The following YTHDF1 variants were observed in gnomAD, a reference collection of about 807,000 sequenced individuals.
The protein encoded by YTHDF1 is YTH domain-containing family protein 1.
YTHDF1 carries 16 observed loss-of-function variants against 49.1 expected under a neutral mutation model. That is an observed-to-expected ratio of 0.33 (90% CI 0.22 to 0.49). The LOEUF (loss-of-function observed/expected upper bound fraction) is 0.49. Among genes scored for constraint, YTHDF1 ranks in the 20% least tolerant of loss-of-function variants. The pLI is 0.99. For synonymous variants in YTHDF1, 313 were observed against 290.1 expected, an observed-to-expected ratio of 1.08 and a Z score of -0.80; for missense variants, 621 against 744.3, an observed-to-expected ratio of 0.83 and a Z score of 1.93.
intron 4 of YTHDF1, among the ~76,000 whole-genome samples, chr20:63,198,774 G>A (rs1020008779): frequency 6.6e-6 from 1 of 152,204 alleles, no homozygotes; most frequent in African/African-American, 2.4e-5. Flanking sequence ...GAGCCGGCCT[G>A]GAGGTCGAAG....
intron 4 of YTHDF1, among the ~76,000 whole-genome samples, chr20:63,198,689 G>A (rs1012922529): frequency 6.6e-6 from 1 of 151,662 alleles, no homozygotes; most frequent in East Asian, 1.9e-4. Flanking sequence ...TGCTCAACAA[G>A]CATCCAGGAA....
chr20:63,205,316 G>A (rs1270124043), intron 3 of YTHDF1, among the ~76,000 whole-genome samples: 1 of 152,226 alleles, frequency 6.6e-6, no homozygotes, highest in African/African-American at 2.4e-5. Flanking sequence ...CACTGGAGGG[G>A]TGACCACAAG....
chr20:63,203,022 T>C lies in YTHDF1; in HGVS notation c.918A>G (p.Pro306=). 1 of 1,609,324 alleles carries C rather than the reference T, an allele frequency of 6.2e-7. No homozygotes were observed. Among genetic ancestry groups the C allele is most frequent in the Non-Finnish European group, 8.5e-7 (1 of 1,177,358 alleles). The change falls in exon 4 of 5, where the codon CCA becomes CCG. Residue 306 remains proline (P), a synonymous_variant. Coordinates refer to ENST00000370339, the MANE Select transcript of YTHDF1 (RefSeq NM_017798.4). The surrounding 1 kb of genome is among the most constrained non-coding windows in gnomAD (Gnocchi z 4.4). ...PQPQQVAQPL[P]AQPPALAQPQ... is the part of the protein sequence containing the mutation. The stretch of plus-strand genomic sequence containing the variant: ...GTTGAGCCAAAGCTGGGGGCTGTGC[T>C]GGGAGAGGCTGAGCCACCTGCTGGG...
At chr20:63,215,257 G>C (rs2122996795) in intron 2 of YTHDF1, among the ~76,000 whole-genome samples, 1 of 152,272 alleles carries the variant, frequency 6.6e-6, no homozygotes, top group East Asian at 1.9e-4. Flanking sequence ...GCCCCTGCTG[G>C]GCGGAAAAAG....
At chr20:63,201,945 A>C (rs561896699) in intron 4 of YTHDF1, among the ~76,000 whole-genome samples, 6 of 152,368 alleles carry the variant, frequency 3.9e-5, no homozygotes, top group African/African-American at 1.4e-4. Context: ...AAAGTATCAC[A>C]ATTCAAAAAG....
At chr20:63,206,772 A>G (rs1298083306) in intron 3 of YTHDF1, among the ~76,000 whole-genome samples, 1 of 152,180 alleles carries the variant, frequency 6.6e-6, no homozygotes, top group African/African-American at 2.4e-5. Flanking sequence ...TTTCCTCCAA[A>G]ACTCTGAAGG....
rs751293439 is a variant in YTHDF1 at position 63,202,239 on chromosome 20, C to T, written c.1653+48G>A. 7.6e-6 allele frequency: 12 copies of T among 1,572,098 alleles called. No homozygotes were observed. In the Admixed American group the frequency reaches 8.7e-5, roughly 11 times the overall value. On this transcript the variant is annotated intron_variant, in intron 4 of 4. Transcript: ENST00000370339. ...ACCGGGCCACCTGGTCTAAGTACGG[C>T]ACCAAGGACACATCTGCATGGCAGT...
intron 4 of YTHDF1, among the ~76,000 whole-genome samples, 178 bp downstream of exon 4, chr20:63,202,109 G>A (rs973495115): frequency 1.1e-4 from 17 of 152,266 alleles, no homozygotes; most frequent in Non-Finnish European, 2.1e-4. Context: ...ACTCTCCGCA[G>A]GGAAAGCCCA....
chr20:63,202,453 T>A lies in YTHDF1; in HGVS notation c.1487A>T (p.Asn496Ile). The part of the protein sequence containing the change: ...NNQLRHIRLE[N>I]NDNKPVTNSR... ...GTTTGTGACCGGTTTGTTGTCGTTA[T>A]TCTCCAGCCTGATGTGCCGGAGCTG... The change falls in exon 4 of 5, where the codon AAT becomes ATT. Residue 496 changes from asparagine to isoleucine, a missense_variant. Transcript: ENST00000370339. The A allele has an allele frequency of 6.2e-7, 1 of 1,614,300 alleles. No individual in the cohort carries two copies. The highest frequency in any genetic ancestry group is 8.5e-7 in the Non-Finnish European group (1 of 1,180,056).
chr20:63,216,052 G>T lies in YTHDF1; in HGVS notation c.-160C>A, dbSNP rs1046992626. ...GCGGCTGCTGGGCGCGCGGGCCCCT[G>T]GCGAGGCGGCAGCGGCGGTGAGCCC... On this transcript the variant is annotated 5_prime_UTR_variant, in exon 1 of 5. Transcript: ENST00000370339. 4.5e-6 allele frequency: 2 copies of T among 443,488 alleles called. No homozygotes were observed. Among genetic ancestry groups the T allele is most frequent in the African/African-American group, 2.2e-5 (1 of 46,294 alleles). The allele number at this position is 443,488 out of a possible 1,614,324, so 27.5% of individuals were successfully genotyped here.
intron 3 of YTHDF1, among the ~76,000 whole-genome samples, chr20:63,210,613 G>A (rs569473213): frequency 3.5e-4 from 53 of 151,858 alleles, no homozygotes; most frequent in African/African-American, 6.3e-4. Flanking sequence ...GAGAAACCCC[G>A]TCCCTACTAA....
chr20:63,202,344 G>A lies in YTHDF1; in HGVS notation c.1596C>T (p.Ile532=). ...TCTCGTAGTGAGCAAAGTCGTCGAA[G>A]ATGGAGGTTGTGTGCTTGTAGGAAC... is the stretch of plus-strand genomic sequence containing the variant. The part of the protein sequence containing the change: ...IISSYKHTTS[I]FDDFAHYEKR... The change falls in exon 4 of 5, where the codon ATC becomes ATT. Residue 532 remains isoleucine (I), a synonymous_variant. Transcript: ENST00000370339. 1 of 1,614,256 alleles carries A rather than the reference G, an allele frequency of 6.2e-7. No homozygotes were observed. Among genetic ancestry groups the A allele is most frequent in the South Asian group, 1.1e-5 (1 of 91,088 alleles).
At chr20:63,211,151 T>C (rs1487981200) in intron 3 of YTHDF1, among the ~76,000 whole-genome samples, 1 of 152,152 alleles carries the variant, frequency 6.6e-6, no homozygotes, top group African/African-American at 2.4e-5. Flanking sequence ...AAACCATATC[T>C]AGATTTTTCT....
chr20:63,211,335 C>T (rs770639356), intron 3 of YTHDF1, among the ~76,000 whole-genome samples: 10 of 152,086 alleles, frequency 6.6e-5, no homozygotes, highest in Non-Finnish European at 4.4e-5. Flanking sequence ...CGTGGTGGCA[C>T]ATGCCTGTAG....
At chr20:63,214,321 G>C (rs1438443795) in intron 2 of YTHDF1, among the ~76,000 whole-genome samples, 2 of 152,182 alleles carry the variant, frequency 1.3e-5, no homozygotes, top group African/African-American at 4.8e-5. Context: ...CCAAACGTAT[G>C]GAGAACGGAG....
intron 4 of YTHDF1, among the ~76,000 whole-genome samples, chr20:63,197,325 G>A (rs566862324): frequency 6.6e-6 from 1 of 152,252 alleles, no homozygotes; most frequent in East Asian, 1.9e-4. Context: ...CCAAGGGGAA[G>A]AGCATGCCCC....
intron 2 of YTHDF1, among the ~76,000 whole-genome samples, chr20:63,214,664 ATTCT>A (rs1424015143): frequency 1.4e-4 from 22 of 152,186 alleles, no homozygotes; most frequent in Non-Finnish European, 2.2e-4. Context: ...AAACGGCTGC[ATTCT>A]TTCGAGTTTC....
chr20:63,203,541 C>T lies in YTHDF1; in HGVS notation c.399G>A (p.Gly133=). The T allele has an allele frequency of 2.5e-6, 4 of 1,614,054 alleles. No individual in the cohort carries two copies. The highest frequency in any genetic ancestry group is 3.4e-6 in the Non-Finnish European group (4 of 1,180,032). The change falls in exon 4 of 5, where the codon GGG becomes GGA. Residue 133 remains glycine (G), a synonymous_variant. Coordinates refer to ENST00000370339, the MANE Select transcript of YTHDF1 (RefSeq NM_017798.4). The surrounding 1 kb of genome is among the most constrained non-coding windows in gnomAD (Gnocchi z 4.4). ...FPENPAFSAW[G]TSGSQGQQTQ... ...TCTGCTGACCTTGAGACCCACTTGTCCCCCATGCTGAGAACGCAGGGTTTT... is the reference window on the plus strand; with the variant it reads ...TCTGCTGACCTTGAGACCCACTTGTTCCCCATGCTGAGAACGCAGGGTTTT...
At chr20:63,212,866 C>T (rs977191536) in intron 3 of YTHDF1, among the ~76,000 whole-genome samples, 2 of 152,182 alleles carry the variant, frequency 1.3e-5, no homozygotes, top group African/African-American at 2.4e-5. Flanking sequence ...AAACATCCAA[C>T]AATGCACAGG....
Sources: gnomAD v4.1 joint callset for allele counts (sites outside exome capture counted in the v4.1 genomes callset) on GRCh38, gnomAD v4.1.1 for gene constraint, Gnocchi (gnomAD v3.1) non-coding constraint, MANE v1.5 for transcripts, NCBI Gene and HGNC (gene_info 2026-07-23, HGNC 2026-07-21) for gene names.